TINAG: variants seen among roughly 807,000 people sequenced by gnomAD.
TINAG encodes the protein tubulointerstitial nephritis antigen.
A neutral mutation model predicts 72.7 loss-of-function variants in TINAG; 83 were observed. That is an observed-to-expected ratio of 1.14 (90% CI 0.96 to 1.37). The LOEUF (loss-of-function observed/expected upper bound fraction) is 1.37. Among genes scored for constraint, TINAG ranks in the 40% most tolerant of loss-of-function variants. The pLI is 0.00. For synonymous variants in TINAG, 234 were observed against 189.9 expected, an observed-to-expected ratio of 1.23 and a Z score of -1.91; for missense variants, 685 against 576.6, an observed-to-expected ratio of 1.19 and a Z score of -1.93.
chr6:54,330,765 A>G (rs1044865058), intron 4 of TINAG, among the ~76,000 whole-genome samples: 49 of 152,192 alleles, frequency 3.2e-4, no homozygotes, highest in Non-Finnish European at 1.3e-4. Context: ...AAAAAATGGT[A>G]AAGGGGATAA....
At chr6:54,333,620 A>T (rs1468759757) in intron 4 of TINAG, among the ~76,000 whole-genome samples, 1 of 139,698 alleles carries the variant, frequency 7.2e-6, no homozygotes, top group African/African-American at 3.1e-5. Context: ...GTATAATAAA[A>T]AAAAAAAAAA....
intron 9 of TINAG, among the ~76,000 whole-genome samples, chr6:54,355,986 C>A (rs1562170358): frequency 6.6e-6 from 1 of 151,694 alleles, no homozygotes; most frequent in Non-Finnish European, 1.5e-5. Flanking sequence ...TATAAAAATG[C>A]CAGTTTCTCA....
At chr6:54,308,051 C>T, upstream of TINAG, 2 of 1,549,830 alleles carry the variant, frequency 1.3e-6, no homozygotes, top group Non-Finnish European at 8.7e-7. Context: ...ATGACAGATC[C>T]TAGCAGGCAA....
rs1197715860 is a variant in TINAG, at chr6:54,343,345, T to C, written c.744T>C (p.Thr248=). ...GTGCTGCATCCTGGGCATTTTCCACTGCAAGTAATAAAGTCATTTTAATTC... is the reference window on the plus strand; with the variant it reads ...GTGCTGCATCCTGGGCATTTTCCACCGCAAGTAATAAAGTCATTTTAATTC... ...KNCAASWAFS[T]ASVAADRIAI... is the part of the protein sequence containing the mutation. The change falls in exon 5 of 11, where the codon ACT becomes ACC. Residue 248 remains threonine, a synonymous_variant. Coordinates refer to ENST00000259782, the MANE Select transcript of TINAG (RefSeq NM_014464.4). 2 of 1,536,778 alleles carry C rather than the reference T, an allele frequency of 1.3e-6. No homozygotes were observed. The highest frequency in any genetic ancestry group is 2.7e-5 in the South Asian group (2 of 74,660).
At chr6:54,341,460 T>C (rs2150953197) in intron 4 of TINAG, among the ~76,000 whole-genome samples, 1 of 152,278 alleles carries the variant, frequency 6.6e-6, no homozygotes, top group Non-Finnish European at 1.5e-5. Flanking sequence ...TGCTTGATGT[T>C]TTTGGCACTT....
chr6:54,354,655 AT>A lies in TINAG; in HGVS notation c.1250+21del. 1 of 1,598,428 alleles carries A rather than the reference AT, an allele frequency of 6.3e-7. No homozygotes were observed. The highest frequency in any genetic ancestry group is 1.1e-5 in the South Asian group (1 of 88,096). On this transcript the variant is annotated intron_variant, in intron 9 of 10. Transcript: ENST00000259782. The stretch of plus-strand genomic sequence containing the variant: ...TCACTGGGTAAGGCAATTAAACAAA[AT>A]TCATTTAATTCTTTTGGAAAATGAA...
intron 9 of TINAG, among the ~76,000 whole-genome samples, chr6:54,355,914 A>G (rs1186201765): frequency 6.6e-6 from 1 of 151,874 alleles, no homozygotes; most frequent in African/African-American, 2.4e-5. Context: ...GGAAAACAAG[A>G]TAGTGCAGTA....
At chr6:54,337,989 CAA>C (rs1426484793) in intron 4 of TINAG, among the ~76,000 whole-genome samples, 1 of 152,162 alleles carries the variant, frequency 6.6e-6, no homozygotes, top group Non-Finnish European at 1.5e-5. Context: ...TTTTAAAATT[CAA>C]AGAGTGTCAA....
chr6:54,310,136 G>T (rs976717075), intron 1 of TINAG, among the ~76,000 whole-genome samples: 2 of 142,466 alleles, frequency 1.4e-5, no homozygotes, highest in Non-Finnish European at 3.0e-5. Context: ...AGACTGGAGT[G>T]CAGTGGCAGG....
At chr6:54,344,768 G>A (rs1209163581) in intron 5 of TINAG, among the ~76,000 whole-genome samples, 1 of 152,012 alleles carries the variant, frequency 6.6e-6, no homozygotes, top group African/African-American at 2.4e-5. Flanking sequence ...CCTAATTCAC[G>A]GAACACCAGA....
chr6:54,386,137 C>T lies in TINAG; in HGVS notation c.1297-3654C>T, dbSNP rs1764094384. Among the ~76,000 whole-genome samples the T allele has an allele frequency of 3.3e-5, 5 of 152,064 alleles. No homozygotes were observed. The South Asian group carries it at 6.2e-4, about 19-fold the overall frequency. On this transcript the variant is annotated intron_variant, in intron 10 of 10. Coordinates refer to ENST00000259782, the MANE Select transcript of TINAG (RefSeq NM_014464.4). ...AACTCCTGACTTCAGGTGATCTGCC[C>T]ACCTTGGCCTCCCAAAGTGCTGGAA... is the stretch of plus-strand genomic sequence containing the variant.
intron 10 of TINAG, 52 bp downstream of exon 10, chr6:54,380,623 T>A: frequency 6.9e-7 from 1 of 1,454,740 alleles, no homozygotes; most frequent in Non-Finnish European, 9.6e-7. Context: ...TATGTTCAAA[T>A]CTTCTGTTCC....
chr6:54,376,836 G>A (rs1233991854), intron 9 of TINAG, among the ~76,000 whole-genome samples: 2 of 151,946 alleles, frequency 1.3e-5, no homozygotes, highest in Non-Finnish European at 2.9e-5. Flanking sequence ...ATGAAAAGTG[G>A]GCATATAAAA....
intron 5 of TINAG, among the ~76,000 whole-genome samples, chr6:54,345,837 G>A (rs1223370437): frequency 6.6e-6 from 1 of 151,936 alleles, no homozygotes; most frequent in Non-Finnish European, 1.5e-5. Context: ...TTAAAAATAT[G>A]TGTATACAAA....
chr6:54,381,079 C>T (rs1291281288), intron 10 of TINAG, among the ~76,000 whole-genome samples: 2 of 147,744 alleles, frequency 1.4e-5, no homozygotes, highest in African/African-American at 2.5e-5. Flanking sequence ...TATATATATC[C>T]TATAGGATAT....
intron 9 of TINAG, among the ~76,000 whole-genome samples, chr6:54,364,267 T>C (rs1210386829): frequency 1.3e-5 from 2 of 151,386 alleles, no homozygotes; most frequent in Non-Finnish European, 3.0e-5. Context: ...CAAAGAGAAA[T>C]GGGAAAATGA....
At chr6:54,365,480 C>G (rs1429619935) in intron 9 of TINAG, 1 of 151,508 alleles carries the variant, frequency 6.6e-6, no homozygotes, top group Non-Finnish European at 1.5e-5. Context: ...TTTTCTTGAT[C>G]TATCATCTGT....
At position 54,320,660 on chromosome 6, in the gene TINAG, C is replaced by G; in HGVS notation, c.419+18C>G. ...AACTCCTGGTAATAAATTTAAGTGGCACAGAACTGAGTTCTACTGTGTGTG... is the reference window on the plus strand; with the variant it reads ...AACTCCTGGTAATAAATTTAAGTGGGACAGAACTGAGTTCTACTGTGTGTG... On this transcript the variant is annotated intron_variant, in intron 2 of 10. Transcript: ENST00000259782. 1 of 1,593,130 alleles carries G rather than the reference C, an allele frequency of 6.3e-7. No individual in the cohort carries two copies. Among genetic ancestry groups the G allele is most frequent in the Non-Finnish European group, 8.6e-7 (1 of 1,164,914 alleles).
At position 54,308,566 on chromosome 6, in the gene TINAG, A is replaced by G; in HGVS notation, c.16A>G (p.Lys6Glu). 2 of 1,611,778 alleles carry G rather than the reference A, an allele frequency of 1.2e-6. No individual in the cohort carries two copies. Among genetic ancestry groups the G allele is most frequent in the Non-Finnish European group, 1.7e-6 (2 of 1,179,096 alleles). The stretch of plus-strand genomic sequence containing the variant: ...CTTCCAGAGAATGTGGACCGGATAT[A>G]AGATCTTAATCTTCTCTTATCTTAC... Reference protein sequence around the residue: MWTGYKILIFSYLTTE... With the variant: MWTGYEILIFSYLTTE... Residue 6 changes from lysine to glutamate, a missense_variant, in exon 1 of 11, where the codon AAG becomes GAG. Coordinates refer to ENST00000259782, the MANE Select transcript of TINAG (RefSeq NM_014464.4).
Sources: allele counts gnomAD v4.1 joint callset (sites outside exome capture counted in the v4.1 genomes callset), GRCh38; gene constraint gnomAD v4.1.1; transcripts MANE v1.5; gene names NCBI Gene and HGNC (gene_info 2026-07-23, HGNC 2026-07-21).